MACROD2: variants seen among roughly 807,000 people sequenced by gnomAD.
The protein encoded by MACROD2 is ADP-ribose glycohydrolase MACROD2.
A neutral mutation model predicts 70.4 loss-of-function variants in MACROD2; 36 were observed. The ratio of observed to expected loss-of-function variants is 0.51; its 90% CI spans 0.39 to 0.68. The LOEUF is 0.68. MACROD2 is among the 30% of genes least tolerant of loss of function. The pLI is 0.00. For synonymous variants in MACROD2, 172 were observed against 178.8 expected, an observed-to-expected ratio of 0.96 and a Z score of 0.30; for missense variants, 496 against 538.4, an observed-to-expected ratio of 0.92 and a Z score of 0.78.
intron 5 of MACROD2, among the ~76,000 whole-genome samples, chr20:15,124,642 A>G (rs1488704990): frequency 1.3e-5 from 2 of 151,746 alleles, no homozygotes; most frequent in Non-Finnish European, 2.9e-5. Flanking sequence ...TCTCCTTACC[A>G]TTTTTTCTAT....
intron 5 of MACROD2, among the ~76,000 whole-genome samples, chr20:14,988,625 T>C (rs866957447): frequency 6.6e-6 from 1 of 152,190 alleles, no homozygotes; most frequent in Non-Finnish European, 1.5e-5. Context: ...TATTGGAGAC[T>C]GAAACTACCT....
intron 6 of MACROD2, among the ~76,000 whole-genome samples, chr20:15,269,013 A>C (rs896919249): frequency 6.6e-6 from 1 of 152,256 alleles, no homozygotes; most frequent in Non-Finnish European, 1.5e-5. Context: ...CTTCAGAGCC[A>C]CAGCATCTTC....
intron 15 of MACROD2, among the ~76,000 whole-genome samples, chr20:16,025,211 G>A (rs537008523): frequency 9.6e-4 from 146 of 152,304 alleles, no homozygotes; most frequent in African/African-American, 3.4e-3. Context: ...AGCTAAAGCA[G>A]CTGTGGGCCC....
rs372356269 is a variant in MACROD2, at chr20:14,379,239, A to G, written c.272-114240A>G. Among the ~76,000 whole-genome samples, 16 of 152,316 alleles carry G rather than the reference A, an allele frequency of 1.1e-4. No homozygotes were observed. In the South Asian group the frequency reaches 2.9e-3, roughly 28 times the overall value. ...AGAGGTGGAGCCACATTTTAAATCCAGGAAGATTGGCTCCAGAATCTGTGC... is the reference window on the plus strand; with the variant it reads ...AGAGGTGGAGCCACATTTTAAATCCGGGAAGATTGGCTCCAGAATCTGTGC... On this transcript the variant is annotated intron_variant, in intron 3 of 17. Coordinates refer to ENST00000684519, the MANE Select transcript of MACROD2 (RefSeq NM_001351661.2).
Position 15,620,238 on chromosome 20 carries a change from C to T in MACROD2, c.645+120391C>T, listed in dbSNP as rs185225631. Among the ~76,000 whole-genome samples, 152 of 152,120 alleles carry T rather than the reference C, an allele frequency of 1.0e-3. No individual in the cohort carries two copies. In the South Asian group the frequency reaches 0.02, roughly 20 times the overall value. On this transcript the variant is annotated intron_variant, in intron 8 of 17. Transcript: ENST00000684519. ...TCCCATTCACTGAGTTAAGAAGGAA[C>T]GAATGAGTGTGGGGTGGAAGAGAAT...
intron 8 of MACROD2, among the ~76,000 whole-genome samples, chr20:15,646,791 G>A (rs459103): frequency 6.6e-6 from 1 of 151,604 alleles, no homozygotes; most frequent in Non-Finnish European, 1.5e-5. Context: ...CTCCTTCGCC[G>A]TCCACCATGA....
chr20:14,626,512 T>C (rs1429564728), intron 4 of MACROD2, among the ~76,000 whole-genome samples: 1 of 152,158 alleles, frequency 6.6e-6, no homozygotes, highest in Admixed American at 6.5e-5. Flanking sequence ...AGGGACATTT[T>C]TTGCTTTCCA....
At chr20:15,817,765 A>G (rs2063893035) in intron 8 of MACROD2, among the ~76,000 whole-genome samples, 1 of 152,082 alleles carries the variant, frequency 6.6e-6, no homozygotes, top group Non-Finnish European at 1.5e-5. Context: ...CTCACCCTTT[A>G]AAGTCCAGAT....
intron 15 of MACROD2, among the ~76,000 whole-genome samples, chr20:16,035,896 A>G (rs532656478): frequency 1.3e-5 from 2 of 152,132 alleles, no homozygotes; most frequent in East Asian, 3.9e-4. Context: ...ATGCATTTCA[A>G]GTCTCTCCTT....
rs569480270 is a variant in MACROD2, at chr20:15,900,301, A to G, written c.775+14490A>G. Among the ~76,000 whole-genome samples the G allele has an allele frequency of 6.6e-4, 101 of 152,336 alleles. 1 individual carries two copies. The highest frequency in any genetic ancestry group is 2.4e-3 in the African/African-American group (98 of 41,582). On this transcript the variant is annotated intron_variant, in intron 10 of 17. Coordinates refer to ENST00000684519, the MANE Select transcript of MACROD2 (RefSeq NM_001351661.2). ...AGAAAAGCTTTGTTTTATCCTCTAGACTTTAAAATATCAAGAATTTAAGCA... is the reference window on the plus strand; with the variant it reads ...AGAAAAGCTTTGTTTTATCCTCTAGGCTTTAAAATATCAAGAATTTAAGCA...
At chr20:15,571,293 G>A (rs949777419) in intron 8 of MACROD2, among the ~76,000 whole-genome samples, 6 of 152,122 alleles carry the variant, frequency 3.9e-5, no homozygotes, top group Non-Finnish European at 8.8e-5. Flanking sequence ...GTAAGTCAAA[G>A]AGGTTGAGAC....
At position 14,524,951 on chromosome 20, in the gene MACROD2, A is replaced by G. The variant is rs181129256; in HGVS notation, c.301+31443A>G. Reference sequence around the variant, plus strand: ...AAAAGCCTAGAAGAACCCTATTCTTATTGCTTTATGGATGAGAATGTAAGG... The same window carrying G: ...AAAAGCCTAGAAGAACCCTATTCTTGTTGCTTTATGGATGAGAATGTAAGG... On this transcript the variant is annotated intron_variant, in intron 4 of 17. Transcript: ENST00000684519. Among the ~76,000 whole-genome samples the G allele has an allele frequency of 4.9e-3, 740 of 152,274 alleles. 7 individuals carry two copies. The highest frequency in any genetic ancestry group is 0.017 in the African/African-American group (705 of 41,548).
At chr20:15,557,020 A>G (rs192787259) in intron 8 of MACROD2, among the ~76,000 whole-genome samples, 107 of 152,316 alleles carry the variant, frequency 7.0e-4, no homozygotes, top group African/African-American at 2.5e-3. Flanking sequence ...GAGGGCTCCA[A>G]TCAGTCATAC....
At chr20:14,883,087 C>G (rs754878300) in intron 5 of MACROD2, among the ~76,000 whole-genome samples, 8 of 152,130 alleles carry the variant, frequency 5.3e-5, no homozygotes, top group Non-Finnish European at 1.2e-4. Flanking sequence ...AATCACTTAC[C>G]TATCCATTGA....
At chr20:15,083,761 C>T (rs191157046) in intron 5 of MACROD2, among the ~76,000 whole-genome samples, 46 of 152,178 alleles carry the variant, frequency 3.0e-4, no homozygotes, top group African/African-American at 9.9e-4. Flanking sequence ...GGAAATCATA[C>T]ATCATGGGTG....
intron 5 of MACROD2, among the ~76,000 whole-genome samples, chr20:15,077,612 A>G (rs939455818): frequency 2.6e-5 from 4 of 152,132 alleles, no homozygotes; most frequent in African/African-American, 9.7e-5. Context: ...AGAATGGCTG[A>G]TTTCCTCCTC....
chr20:14,837,379 A>G (rs1053729996), intron 5 of MACROD2, among the ~76,000 whole-genome samples: 1 of 152,110 alleles, frequency 6.6e-6, no homozygotes, highest in Non-Finnish European at 1.5e-5. Flanking sequence ...AGGAGCTCCC[A>G]GTGAGGATAA....
rs1422993861 is a variant in MACROD2 at position 16,050,864 on chromosome 20, T to TCCC, written c.*988_*989insCCC. On this transcript the variant is annotated 3_prime_UTR_variant, in exon 18 of 18. Coordinates refer to ENST00000684519, the MANE Select transcript of MACROD2 (RefSeq NM_001351661.2). ...TGGTCTCATTTGAAATTACAGGAAATTAGAGCTTTTGCTTGCAGTTCTGCC... is the reference window on the plus strand; with the variant it reads ...TGGTCTCATTTGAAATTACAGGAAATCCCTAGAGCTTTTGCTTGCAGTTCTGCC... 6.6e-6 allele frequency: 1 copy of TCCC among 152,236 alleles called. No homozygotes were observed. The highest frequency in any genetic ancestry group is 1.5e-5 in the Non-Finnish European group (1 of 68,062). 9.4% of individuals were successfully genotyped at this position (152,236 alleles called of 1,614,324 possible).
chr20:15,411,777 A>G, intron 6 of MACROD2, among the ~76,000 whole-genome samples: 1 of 152,202 alleles, frequency 6.6e-6, no homozygotes, highest in East Asian at 1.9e-4. Flanking sequence ...TTGCAAGCTC[A>G]TTCTTCATTT....
Sources: allele counts gnomAD v4.1 joint callset (sites outside exome capture counted in the v4.1 genomes callset), GRCh38; gene constraint gnomAD v4.1.1; transcripts MANE v1.5; gene names NCBI Gene and HGNC (gene_info 2026-07-23, HGNC 2026-07-21).